The following YY1 variants were observed in gnomAD, a reference collection of about 807,000 sequenced individuals.
YY1 encodes YY1 transcription factor.
Under a neutral mutation model 35.6 loss-of-function variants are expected in YY1, and 2 were observed. The ratio of observed to expected loss-of-function variants is 0.06; its 90% CI spans 0.02 to 0.18. YY1 has a LOEUF of 0.18. Among genes scored for constraint, YY1 ranks in the 10% least tolerant of loss-of-function variants. The pLI is 1.00. For synonymous variants in YY1, 268 were observed against 238.9 expected, an observed-to-expected ratio of 1.12 and a Z score of -1.12; for missense variants, 322 against 573.4, an observed-to-expected ratio of 0.56 and a Z score of 4.48.
rs577064841 is a variant in YY1, at chr14:100,272,228, G to A, written c.843-2470G>A. On this transcript the variant is annotated intron_variant, in intron 2 of 4. Transcript: ENST00000262238. Reference sequence around the variant, plus strand: ...GGAGAATGGCATGAACCTGGGAGGCGGAGCTTGCAGTGAGCCGAGATAGCG... The same window carrying A: ...GGAGAATGGCATGAACCTGGGAGGCAGAGCTTGCAGTGAGCCGAGATAGCG... Among the ~76,000 whole-genome samples the A allele has an allele frequency of 4.4e-3, 671 of 151,624 alleles. 6 individuals are homozygous for A. The highest frequency in any genetic ancestry group is 7.4e-3 in the Non-Finnish European group (504 of 67,872).
At chr14:100,246,375 C>T (rs1384690528) in intron 1 of YY1, among the ~76,000 whole-genome samples, 2 of 152,220 alleles carry the variant, frequency 1.3e-5, no homozygotes, top group Non-Finnish European at 2.9e-5. Context: ...CTGAGTGGCA[C>T]CTCCTTCACG....
At chr14:100,253,137 A>G (rs1368542039) in intron 1 of YY1, among the ~76,000 whole-genome samples, 2 of 152,258 alleles carry the variant, frequency 1.3e-5, no homozygotes, top group Non-Finnish European at 2.9e-5. Context: ...GGGAAACTCC[A>G]GCAGGGAATA....
chr14:100,268,769 C>G (rs546522101), intron 2 of YY1, among the ~76,000 whole-genome samples: 2 of 152,316 alleles, frequency 1.3e-5, no homozygotes, highest in Admixed American at 1.3e-4. Flanking sequence ...CCGTATTACG[C>G]AGGAACTTCT....
At chr14:100,258,505 A>G (rs903317620) in intron 1 of YY1, among the ~76,000 whole-genome samples, 3 of 152,206 alleles carry the variant, frequency 2.0e-5, no homozygotes, top group African/African-American at 4.8e-5. Flanking sequence ...AGTTAAGCAT[A>G]TAAATCTTAG....
chr14:100,240,744 A>T (rs1241017497), intron 1 of YY1, among the ~76,000 whole-genome samples: 1 of 151,752 alleles, frequency 6.6e-6, no homozygotes, highest in Non-Finnish European at 1.5e-5. Flanking sequence ...CCTAGTGGAA[A>T]GGGCCTGTGA....
At position 100,272,972 on chromosome 14, in the gene YY1, T is replaced by TG. The variant is rs937868917; in HGVS notation, c.843-1726_843-1725insG. On this transcript the variant is annotated intron_variant, in intron 2 of 4. Coordinates refer to ENST00000262238, the MANE Select transcript of YY1 (RefSeq NM_003403.5). ...TTTTGTTGTTTTTTTTTTGTTTTTT[T>TG]TTTTTTGAGACGGTATTTCCTTCTT... 4.4e-4 allele frequency among the ~76,000 whole-genome samples: 66 copies of TG among 150,844 alleles called. 1 individual carries two copies. The East Asian group carries it at 9.5e-3, about 22-fold the overall frequency.
In YY1 at chr14:100,239,385, G is replaced by C. The variant is rs142619613; in HGVS notation, c.141G>C (p.Glu47Asp). 3,719 of 1,595,050 alleles carry C rather than the reference G, an allele frequency of 2.3e-3. 72 individuals are homozygous for C. The African/African-American group carries it at 0.042, about 18-fold the overall frequency. ...CAGTGGTGGGCGAGGAGGAGGAGGAGGACGACGACGACGAGGACGGCGGCG... is the reference window on the plus strand; with the variant it reads ...CAGTGGTGGGCGAGGAGGAGGAGGACGACGACGACGACGAGGACGGCGGCG... ...ETTVVGEEEE[E>D]DDDDEDGGGG... The change falls in exon 1 of 5, where the codon GAG becomes GAC. Residue 47 changes from glutamate to aspartate, a missense_variant. Glu to Asp is a conservative substitution (Grantham distance 45). This residue lies in a region of YY1 where 137 missense variants were observed against 167.0 expected (regional missense o/e 0.82). Transcript: ENST00000262238.
At chr14:100,261,574 A>G (rs1473625290) in intron 1 of YY1, among the ~76,000 whole-genome samples, 1 of 152,230 alleles carries the variant, frequency 6.6e-6, no homozygotes, top group Admixed American at 6.5e-5. Flanking sequence ...ACCAACCTCC[A>G]TGTCCATATG....
At chr14:100,257,199 G>T (rs1296661353) in intron 1 of YY1, among the ~76,000 whole-genome samples, 2 of 152,026 alleles carry the variant, frequency 1.3e-5, no homozygotes, top group African/African-American at 4.8e-5. Flanking sequence ...CTCAGATTTG[G>T]GTTCTGAGCC....
chr14:100,264,157 A>G (rs1891121769), intron 2 of YY1: 1 of 152,004 alleles, frequency 6.6e-6, no homozygotes, highest in Admixed American at 6.6e-5. Context: ...GAGCCACTGC[A>G]CATGGCCCAA....
In YY1 at chr14:100,249,100, A is replaced by ATTTTTTTT. The variant is rs60088505; in HGVS notation, c.679+9205_679+9212dup. Among the ~76,000 whole-genome samples, 57 of 46,834 alleles carry ATTTTTTTT rather than the reference A, an allele frequency of 1.2e-3. 6 individuals carry two copies. The highest frequency in any genetic ancestry group is 5.5e-3 in the East Asian group (6 of 1,090). 30.7% of individuals were successfully genotyped at this position (46,834 alleles called of 152,430 possible). On this transcript the variant is annotated intron_variant, in intron 1 of 4. Transcript: ENST00000262238. ...TTTGTGATGGACTCTTTCTCGTGTA[A>ATTTTTTTT]TTTTTTTTTTTTTTTTTTTTTTTTT...
In YY1 at chr14:100,240,049, G is replaced by T. The variant is rs1219423523; in HGVS notation, c.679+126G>T. On this transcript the variant is annotated intron_variant, in intron 1 of 4. Coordinates refer to ENST00000262238, the MANE Select transcript of YY1 (RefSeq NM_003403.5). ...AAGTATGGCGGCCCCAAAAGATGGC[G>T]GGCCGTGCGGCGGCGGGGGCGCGGC... 5 of 857,172 alleles carry T rather than the reference G, an allele frequency of 5.8e-6. No individual in the cohort carries two copies. The African/African-American group carries it at 7.3e-5, about 13-fold the overall frequency. The allele number at this position is 857,172 out of a possible 1,614,324, so 53.1% of individuals were successfully genotyped here. A position where few individuals can be genotyped will look rare whatever the true frequency, so the allele number is the denominator to read the frequency against.
chr14:100,267,639 T>C (rs542202177), intron 2 of YY1, among the ~76,000 whole-genome samples: 10 of 152,188 alleles, frequency 6.6e-5, no homozygotes, highest in African/African-American at 2.4e-4. Flanking sequence ...TTCTTCTGCC[T>C]CAGCCTTCCG....
At chr14:100,249,770 G>A (rs896395227) in intron 1 of YY1, among the ~76,000 whole-genome samples, 1 of 131,354 alleles carries the variant, frequency 7.6e-6, no homozygotes, top group Non-Finnish European at 1.7e-5. Context: ...GTTTGTTTTT[G>A]TTTTTGTTTT....
chr14:100,258,207 G>A (rs74085014), intron 1 of YY1, among the ~76,000 whole-genome samples: 2 of 152,020 alleles, frequency 1.3e-5, no homozygotes, highest in South Asian at 2.1e-4. Context: ...TCTGTACCCC[G>A]TGAAAGTTTT....
intron 2 of YY1, among the ~76,000 whole-genome samples, chr14:100,270,548 A>C (rs1595331830): frequency 6.7e-6 from 1 of 149,818 alleles, no homozygotes; most frequent in Non-Finnish European, 1.5e-5. Context: ...GCTTGAACCC[A>C]GGAGGCGGAG....
chr14:100,265,886 A>G (rs1331106588), intron 2 of YY1, among the ~76,000 whole-genome samples: 2 of 151,868 alleles, frequency 1.3e-5, no homozygotes, highest in East Asian at 1.9e-4. Flanking sequence ...TAACCTCATG[A>G]TCCACCCGCC....
intron 2 of YY1, among the ~76,000 whole-genome samples, chr14:100,270,814 A>C (rs749302809): frequency 6.6e-6 from 1 of 152,110 alleles, no homozygotes; most frequent in Non-Finnish European, 1.5e-5. Flanking sequence ...AGGCAGGTGG[A>C]TTGCTTGAGC....
At chr14:100,254,398 G>T (rs760481872) in intron 1 of YY1, among the ~76,000 whole-genome samples, 9 of 152,150 alleles carry the variant, frequency 5.9e-5, no homozygotes, top group Non-Finnish European at 1.2e-4. Flanking sequence ...GGCAACAAAA[G>T]CCAGTGTCTT....
Sources: allele counts gnomAD v4.1 joint callset (sites outside exome capture counted in the v4.1 genomes callset), GRCh38; gene constraint gnomAD v4.1.1; regional missense constraint gnomAD v4.1.1; transcripts MANE v1.5; gene names NCBI Gene and HGNC (gene_info 2026-07-23, HGNC 2026-07-21).